Variants in RASSF3 observed in about 807,000 individuals in gnomAD.
The protein encoded by RASSF3 is ras association domain-containing protein 3.
A neutral mutation model predicts 19.9 loss-of-function variants in RASSF3; 19 were observed. The ratio of observed to expected loss-of-function variants is 0.96; its 90% CI spans 0.67 to 1.40. The LOEUF (loss-of-function observed/expected upper bound fraction) is 1.40. RASSF3 is among the 40% of genes most tolerant of loss of function. RASSF3 has a pLI of 0.00. For synonymous variants in RASSF3, 110 were observed against 104.2 expected (o/e 1.06, Z -0.34); for missense variants, 306 against 289.8 (o/e 1.06, Z -0.41).
At chr12:64,682,085 A>G (rs1310991702) in intron 1 of RASSF3, among the ~76,000 whole-genome samples, 3 of 152,188 alleles carry the variant, frequency 2.0e-5, no homozygotes, top group Non-Finnish European at 4.4e-5. Context: ...TCCCCCACCA[A>G]ACACTAATAC....
At chr12:64,553,355 A>C (rs1869197769) in intron 2 of RASSF3, among the ~76,000 whole-genome samples, 1 of 152,158 alleles carries the variant, frequency 6.6e-6, no homozygotes. Flanking sequence ...CGGGGGGTTA[A>C]ATATTCCTGA....
intron 1 of RASSF3, among the ~76,000 whole-genome samples, chr12:64,643,153 A>G (rs1468635225): frequency 6.9e-6 from 1 of 145,906 alleles, no homozygotes; most frequent in Non-Finnish European, 1.5e-5. Flanking sequence ...GGTGTGAGCC[A>G]TCACGCCTGG....
At chr12:64,573,095 G>A (rs1411764695) in intron 2 of RASSF3, among the ~76,000 whole-genome samples, 1 of 152,158 alleles carries the variant, frequency 6.6e-6, no homozygotes, top group East Asian at 1.9e-4. Flanking sequence ...GCTCGTGCCT[G>A]TAATTTTACC....
Position 64,588,519 on chromosome 12 carries a change from GA to G in RASSF3, c.294+46823del, listed in dbSNP as rs554023100. 9.4e-4 allele frequency among the ~76,000 whole-genome samples: 138 copies of G among 147,508 alleles called. 2 individuals carry two copies. The Middle Eastern group carries it at 0.028, about 29-fold the overall frequency. On this transcript the variant is annotated intron_variant, in intron 2 of 5. Transcript: ENST00000637125. ...GCAAGACTTTGTTCTGCACAAAAAG[GA>G]AAAAAAAAGATATCTTTTTTCTTAT...
At chr12:64,659,220 G>T (rs1288957140) in intron 1 of RASSF3, among the ~76,000 whole-genome samples, 1 of 152,142 alleles carries the variant, frequency 6.6e-6, no homozygotes, top group Non-Finnish European at 1.5e-5. Flanking sequence ...TTCTTTACTT[G>T]GTGGGAGGAG....
chr12:64,584,458 A>G (rs1469138687), intron 2 of RASSF3, among the ~76,000 whole-genome samples: 1 of 138,408 alleles, frequency 7.2e-6, no homozygotes, highest in Non-Finnish European at 1.5e-5. Flanking sequence ...CACTTTTTAT[A>G]CCCTTAAAGG....
chr12:64,559,928 T>A (rs902418970), intron 2 of RASSF3, among the ~76,000 whole-genome samples: 31 of 152,274 alleles, frequency 2.0e-4, no homozygotes, highest in African/African-American at 7.2e-4. Context: ...GTCTTGATTA[T>A]ACTGCATTTG....
At chr12:64,664,899 T>C (rs1359226623) in intron 1 of RASSF3, among the ~76,000 whole-genome samples, 2 of 152,240 alleles carry the variant, frequency 1.3e-5, no homozygotes, top group African/African-American at 2.4e-5. Flanking sequence ...TTAAAAATTA[T>C]ACTTCTAAAA....
At chr12:64,600,669 T>G (rs772849264) in intron 2 of RASSF3, among the ~76,000 whole-genome samples, 35 of 152,192 alleles carry the variant, frequency 2.3e-4, no homozygotes, top group Admixed American at 4.6e-4. Flanking sequence ...TAACAAAAAT[T>G]TTTAACTGTG....
At chr12:64,567,074 G>A (rs755410535) in intron 2 of RASSF3, among the ~76,000 whole-genome samples, 1 of 152,210 alleles carries the variant, frequency 6.6e-6, no homozygotes, top group Non-Finnish European at 1.5e-5. Context: ...GCTGGGGTTT[G>A]CAACTGTTGG....
chr12:64,659,561 C>T (rs979665292), intron 1 of RASSF3, among the ~76,000 whole-genome samples: 1 of 151,978 alleles, frequency 6.6e-6, no homozygotes, highest in African/African-American at 2.4e-5. Flanking sequence ...CTTTGTTTTC[C>T]TATTGCTGAG....
intron 1 of RASSF3, among the ~76,000 whole-genome samples, chr12:64,518,160 CAAAG>C (rs1348758272): frequency 6.6e-6 from 1 of 151,810 alleles, no homozygotes; most frequent in Non-Finnish European, 1.5e-5. Context: ...GAACAAAAAA[CAAAG>C]AAGCAAAATC....
chr12:64,621,328 A>G (rs1870754225), intron 1 of RASSF3, among the ~76,000 whole-genome samples: 1 of 152,158 alleles, frequency 6.6e-6, no homozygotes, highest in African/African-American at 2.4e-5. Context: ...ACCTTTGCCC[A>G]TTTGTCTATT....
chr12:64,697,060 A>ATTTTTTTT lies in RASSF3; in HGVS notation c.*2163_*2170dup. ...AGTAGTAGCTGATGGGTATCTGTGA[A>ATTTTTTTT]TTTTTTTTTTTTTTTTTTTTTTACT... is the stretch of plus-strand genomic sequence containing the variant. On this transcript the variant is annotated 3_prime_UTR_variant, in exon 5 of 5. Coordinates refer to ENST00000542104, the MANE Select transcript of RASSF3 (RefSeq NM_178169.4). 7.4e-6 allele frequency: 1 copy of ATTTTTTTT among 134,784 alleles called. No individual in the cohort carries two copies. The highest frequency in any genetic ancestry group is 1.6e-5 in the Non-Finnish European group (1 of 62,348). The allele number at this position is 134,784 out of a possible 1,614,324, so 8.3% of individuals were successfully genotyped here. A position where few individuals can be genotyped will look rare whatever the true frequency, so the allele number is the denominator to read the frequency against.
chr12:64,656,627 A>G (rs1215016716), intron 1 of RASSF3, among the ~76,000 whole-genome samples: 1 of 152,188 alleles, frequency 6.6e-6, no homozygotes, highest in Admixed American at 6.5e-5. Context: ...GACTTTGTGC[A>G]GTGAAAGTTG....
At chr12:64,512,991 G>A (rs947358608) in intron 1 of RASSF3, among the ~76,000 whole-genome samples, 16 of 152,250 alleles carry the variant, frequency 1.1e-4, no homozygotes, top group African/African-American at 3.8e-4. Flanking sequence ...TGTCCCAACT[G>A]CTGACCCAAG....
intron 2 of RASSF3, among the ~76,000 whole-genome samples, chr12:64,598,807 T>A (rs936347267): frequency 6.6e-6 from 1 of 152,144 alleles, no homozygotes; most frequent in Non-Finnish European, 1.5e-5. Flanking sequence ...GTTACATATG[T>A]ATACGTGTAC....
chr12:64,639,967 A>T (rs75198450), intron 1 of RASSF3, among the ~76,000 whole-genome samples: 1,540 of 152,310 alleles, frequency 0.01, 12 homozygotes, highest in Non-Finnish European at 0.017. Flanking sequence ...ACATTCTATG[A>T]TGAAGAAATT....
chr12:64,660,926 C>T (rs975022620), intron 1 of RASSF3, among the ~76,000 whole-genome samples: 7 of 152,136 alleles, frequency 4.6e-5, no homozygotes, highest in Admixed American at 2.0e-4. Flanking sequence ...CTGGAGCACA[C>T]GAGCTTTCCT....
Sources: allele counts gnomAD v4.1 joint callset (sites outside exome capture counted in the v4.1 genomes callset), GRCh38; gene constraint gnomAD v4.1.1; transcripts MANE v1.5; gene names NCBI Gene and HGNC (gene_info 2026-07-23, HGNC 2026-07-21).